Variants in BOD1L1 observed in about 807,000 individuals in gnomAD.
BOD1L1 encodes the protein biorientation of chromosomes in cell division 1 like 1.
A neutral mutation model predicts 240.7 loss-of-function variants in BOD1L1; 86 were observed. That is an observed-to-expected ratio of 0.36 (90% CI 0.30 to 0.43). BOD1L1 has a LOEUF of 0.43. BOD1L1 is among the 20% of genes least tolerant of loss of function. The pLI, the probability that BOD1L1 is intolerant of heterozygous loss-of-function variation, is 1.00. For synonymous variants in BOD1L1, 1,268 were observed against 1,272.3 expected (o/e 1.00, Z 0.07); for missense variants, 3,554 against 3,643.5 (o/e 0.98, Z 0.63).
intron 18 of BOD1L1, 77 bp from the exon 19 acceptor site, chr4:13,582,387 C>A (rs900773515): frequency 9.2e-7 from 1 of 1,081,886 alleles, no homozygotes; most frequent in East Asian, 2.4e-5. Flanking sequence ...GTGACCTACA[C>A]AGCTGCAGCC....
rs1365542503 is a variant in BOD1L1, at chr4:13,613,531, T to A, written c.1305A>T (p.Glu435Asp). ...CTTTACCATCTGACGTAATCTCTCC[T>A]TCTTCCATGCTATCAGACGTTACAA... ...EEVVTSDSMEEGEITSDDEEK... is the reference protein window; with the variant it reads ...EEVVTSDSMEDGEITSDDEEK... Residue 435 changes from glutamate (E) to aspartate (D), a missense_variant, in exon 5 of 26, where the codon GAA (glutamate) becomes GAT (aspartate). Around this residue, in one of 2 missense-constraint regions of BOD1L1, gnomAD observed 3,393 missense variants for 3,427.1 expected, o/e 0.99. Coordinates refer to ENST00000040738, the MANE Select transcript of BOD1L1 (RefSeq NM_148894.3). The surrounding 1 kb of genome is among the most constrained non-coding windows in gnomAD (Gnocchi z 4.0). The A allele has an allele frequency of 6.2e-7, 1 of 1,612,116 alleles. No homozygotes were observed.
Position 13,613,955 on chromosome 4 carries a change from G to A in BOD1L1, c.1174+241C>T, listed in dbSNP as rs1487715914. Among the ~76,000 whole-genome samples, 7 of 152,082 alleles carry A rather than the reference G, an allele frequency of 4.6e-5. No individual in the cohort carries two copies. The highest frequency in any genetic ancestry group is 1.7e-4 in the African/African-American group (7 of 41,420). ...TATGAACTAAGTTGCTTAAAATAAT[G>A]TATGTGAATAAATTATAAGACAAAT... On this transcript the variant is annotated intron_variant, in intron 4 of 25. Coordinates refer to ENST00000040738, the MANE Select transcript of BOD1L1 (RefSeq NM_148894.3). The surrounding 1 kb of genome is among the most constrained non-coding windows in gnomAD (Gnocchi z 4.0).
In BOD1L1 at chr4:13,619,991, T is replaced by A; in HGVS notation, c.320A>T (p.His107Leu). ...NHLATHTWSP[H>L]LNKNQLRNNI... ...GTTTCTTAGCTGGTTCTTATTGAGA[T>A]GCGGACTCCATGTGTGAGTTGCCAA... Residue 107 changes from histidine (H) to leucine (L), a missense_variant, in exon 2 of 26, where the codon CAT becomes CTT. His to Leu is a moderately conservative substitution (Grantham distance 99). Around this residue, in one of 2 missense-constraint regions of BOD1L1, gnomAD observed 161 missense variants for 216.4 expected, o/e 0.74. Transcript: ENST00000040738. The A allele has an allele frequency of 1.2e-6, 2 of 1,612,870 alleles. No homozygotes were observed. The highest frequency in any genetic ancestry group is 1.7e-6 in the Non-Finnish European group (2 of 1,179,338).
Position 13,570,098 on chromosome 4 carries a change from C to T in BOD1L1, c.9069G>A (p.Lys3023=), listed in dbSNP as rs755025704. 5 of 1,603,642 alleles carry T rather than the reference C, an allele frequency of 3.1e-6. No individual in the cohort carries two copies. In the East Asian group the frequency reaches 6.8e-5, roughly 22 times the overall value. The change falls in exon 26 of 26, where the codon AAG becomes AAA. Residue 3023 remains lysine, a synonymous_variant. Transcript: ENST00000040738. ...CAGGAGGGCTGACTTCTCTCTTGCG[C>T]TTGATAGAAGGGGAGAGCTGTGTCT... ...RSKTQLSPSI[K]RKREVSPPGA...
chr4:13,606,982 C>T (rs1485567107), intron 9 of BOD1L1, 135 bp downstream of exon 9: 7 of 548,260 alleles, frequency 1.3e-5, no homozygotes, highest in Admixed American at 4.2e-5. Context: ...AATGGGGTTT[C>T]AAAAATGCTG....
intron 12 of BOD1L1, chr4:13,592,852 T>C (rs1714327893): frequency 6.6e-6 from 1 of 152,248 alleles, no homozygotes; most frequent in Admixed American, 6.5e-5. Context: ...TTATATGCAC[T>C]ATTCACTTAA....
intron 25 of BOD1L1, among the ~76,000 whole-genome samples, chr4:13,574,923 G>A (rs202190953): frequency 1.5e-5 from 1 of 65,440 alleles, no homozygotes. Flanking sequence ...GTTTTTTTTT[G>A]TTTTTTTTTT....
chr4:13,583,369 T>C (rs540354191), intron 17 of BOD1L1, among the ~76,000 whole-genome samples: 8 of 152,342 alleles, frequency 5.3e-5, no homozygotes, highest in Non-Finnish European at 7.4e-5. Context: ...TAAAAAATTG[T>C]AAATCCTCAT....
intron 9 of BOD1L1, among the ~76,000 whole-genome samples, chr4:13,605,662 C>A (rs1715629786): frequency 6.6e-6 from 1 of 152,096 alleles, no homozygotes. Context: ...ATGTCCTTTT[C>A]AGTCAAAAAC....
intron 11 of BOD1L1, among the ~76,000 whole-genome samples, chr4:13,596,881 C>G (rs1266575215): frequency 6.6e-6 from 1 of 152,122 alleles, no homozygotes; most frequent in Non-Finnish European, 1.5e-5. Context: ...CTGAGGGTGA[C>G]TCTTGTGTTT....
Position 13,605,184 on chromosome 4 carries a change from T to C in BOD1L1, c.1816-100A>G, listed in dbSNP as rs868639539. 5.6e-5 allele frequency: 56 copies of C among 996,978 alleles called. No individual in the cohort carries two copies. The Middle Eastern group carries it at 3.5e-3, about 62-fold the overall frequency. The allele number at this position is 996,978 out of a possible 1,614,324, so 61.8% of individuals were successfully genotyped here. ...ATTTAATATGTTGAGTGCTGTCACA[T>C]ATGTAACATCTCACTTAATTCTTAC... On this transcript the variant is annotated intron_variant, in intron 9 of 25. Coordinates refer to ENST00000040738, the MANE Select transcript of BOD1L1 (RefSeq NM_148894.3).
At position 13,608,661 on chromosome 4, in the gene BOD1L1, A is replaced by C. The variant is rs1269155992; in HGVS notation, c.1611T>G (p.Ser537Arg). The C allele has an allele frequency of 6.8e-7, 1 of 1,468,192 alleles. No homozygotes were observed. Among genetic ancestry groups the C allele is most frequent in the Non-Finnish European group, 9.0e-7 (1 of 1,112,596 alleles). The allele number at this position is 1,468,192 out of a possible 1,614,324, so 90.9% of individuals were successfully genotyped here. A position where few individuals can be genotyped will look rare whatever the true frequency, so the allele number is the denominator to read the frequency against. Reference protein sequence around the residue: ...KSSKTKGQGRSSVDLEESSTK... With the variant: ...KSSKTKGQGRRSVDLEESSTK... Reference sequence around the variant, plus strand: ...TTGATGATTCTTCTAAGTCCACACTACTCCTGCCTAGAAAAGAAGCAATCA... The same window carrying C: ...TTGATGATTCTTCTAAGTCCACACTCCTCCTGCCTAGAAAAGAAGCAATCA... Residue 537 changes from serine to arginine, a missense_variant, in exon 8 of 26, where the codon AGT (serine) becomes AGG (arginine). By Grantham distance (110) the Ser-to-Arg change is moderately radical. This residue lies in a region of BOD1L1 where 3,393 missense variants were observed against 3,427.1 expected (regional missense o/e 0.99). Coordinates refer to ENST00000040738, the MANE Select transcript of BOD1L1 (RefSeq NM_148894.3).
At chr4:13,580,038 T>C (rs962048085) in intron 21 of BOD1L1, 65 bp from the exon 22 acceptor site, 36 of 1,150,038 alleles carry the variant, frequency 3.1e-5, no homozygotes, top group Non-Finnish European at 4.5e-5. Flanking sequence ...CACATAGAAA[T>C]GCAATCAATG....
At position 13,607,154 on chromosome 4, in the gene BOD1L1, T is replaced by C; in HGVS notation, c.1778A>G (p.Tyr593Cys). The part of the protein sequence containing the change: ...VEENSKKKQQ[Y>C]EEDSKETLKT... ...AAGGGTTTCTTTGGAATCTTCTTCA[T>C]ATTGCTGTTTCTTTTTGGAGTTCTC... Residue 593 changes from tyrosine (Y) to cysteine (C), a missense_variant, in exon 9 of 26, where the codon TAT (tyrosine) becomes TGT (cysteine). Physicochemically the swap from Tyr to Cys is radical, Grantham distance 194 (BLOSUM62 -2). Coordinates refer to ENST00000040738, the MANE Select transcript of BOD1L1 (RefSeq NM_148894.3). 4.4e-6 allele frequency: 7 copies of C among 1,576,798 alleles called. No individual in the cohort carries two copies. The highest frequency in any genetic ancestry group is 6.0e-6 in the Non-Finnish European group (7 of 1,161,536).
Position 13,600,371 on chromosome 4 carries a change from C to T in BOD1L1, c.6529G>A (p.Glu2177Lys), listed in dbSNP as rs766493348. Residue 2177 changes from glutamate to lysine, a missense_variant, in exon 10 of 26, where the codon GAA becomes AAA. Glu to Lys is a moderately conservative substitution (Grantham distance 56). Around this residue, in one of 2 missense-constraint regions of BOD1L1, gnomAD observed 3,393 missense variants for 3,427.1 expected, o/e 0.99. Coordinates refer to ENST00000040738, the MANE Select transcript of BOD1L1 (RefSeq NM_148894.3). Reference sequence around the variant, plus strand: ...ATCAAGACTGGACCTGTAGCCCTTTCTTCCACTGCTGCAGCAACCGGCTGA... The same window carrying T: ...ATCAAGACTGGACCTGTAGCCCTTTTTTCCACTGCTGCAGCAACCGGCTGA... ...SLQPVAAAVE[E>K]RATGPVLIST... The T allele has an allele frequency of 6.2e-7, 1 of 1,614,068 alleles. No homozygotes were observed. The highest frequency in any genetic ancestry group is 8.5e-7 in the Non-Finnish European group (1 of 1,179,910).
chr4:13,604,983 A>T lies in BOD1L1; in HGVS notation c.1917T>A (p.His639Gln), dbSNP rs1173592548. 6.2e-7 allele frequency: 1 copy of T among 1,613,380 alleles called. No individual in the cohort carries two copies. The highest frequency in any genetic ancestry group is 1.3e-5 in the African/African-American group (1 of 74,908). ...ATTCATTTTTGTTTTCGTCAACTAC[A>T]TGCAAAGACTCTGAAAGTCTCCGGG... ...KPARRLSESL[H>Q]VVDENKNESK... Residue 639 changes from histidine (H) to glutamine (Q), a missense_variant, in exon 10 of 26, where the codon CAT becomes CAA. Coordinates refer to ENST00000040738, the MANE Select transcript of BOD1L1 (RefSeq NM_148894.3).
At chr4:13,606,973 A>T (rs187297968) in intron 9 of BOD1L1, 144 bp downstream of exon 9, 120 of 500,106 alleles carry the variant, frequency 2.4e-4, no homozygotes, top group Non-Finnish European at 3.2e-4. Context: ...ACATAACAAA[A>T]TGGGGTTTCA....
At chr4:13,584,441 A>AGAGTGT (rs1476066597) in intron 17 of BOD1L1, among the ~76,000 whole-genome samples, 127 of 134,906 alleles carry the variant, frequency 9.4e-4, no homozygotes, top group Admixed American at 1.5e-3. Flanking sequence ...AGAGAGAGAG[A>AGAGTGT]GTGTGTGTGT....
At chr4:13,595,109 T>C (rs1714518013) in intron 12 of BOD1L1, among the ~76,000 whole-genome samples, 2 of 152,202 alleles carry the variant, frequency 1.3e-5, no homozygotes, top group Admixed American at 6.5e-5. Context: ...TTAATTGGGT[T>C]TTTTGGAAAA....
Sources: allele counts gnomAD v4.1 joint callset (sites outside exome capture counted in the v4.1 genomes callset), GRCh38; gene constraint gnomAD v4.1.1; regional missense constraint gnomAD v4.1.1; non-coding constraint Gnocchi (gnomAD v3.1); transcripts MANE v1.5; gene names NCBI Gene and HGNC (gene_info 2026-07-23, HGNC 2026-07-21).